AOAH: variants seen among roughly 807,000 people sequenced by gnomAD.
AOAH encodes the protein acyloxyacyl hydrolase.
AOAH carries 64 observed loss-of-function variants against 92.2 expected under a neutral mutation model. The observed-to-expected ratio is 0.69, with a 90% CI of 0.57 to 0.86. The LOEUF is 0.86. Among genes scored for constraint, AOAH ranks in the 40% least tolerant of loss-of-function variants. The pLI is 0.00. For missense variants in AOAH, 656 were observed against 694.6 expected, an observed-to-expected ratio of 0.94 and a Z score of 0.62; for synonymous variants, 263 against 254.5, an observed-to-expected ratio of 1.03 and a Z score of -0.32.
At chr7:36,532,943 A>T (rs1784786601) in intron 16 of AOAH, among the ~76,000 whole-genome samples, 1 of 152,000 alleles carries the variant, frequency 6.6e-6, no homozygotes, top group South Asian at 2.1e-4. Flanking sequence ...GGGAGGCAGT[A>T]CCTCATGTCT....
intron 5 of AOAH, 24 bp from the exon 6 acceptor site, chr7:36,632,130 AAG>A (rs1793160949): frequency 2.5e-6 from 4 of 1,588,686 alleles, no homozygotes; most frequent in African/African-American, 1.4e-5. Context: ...AAAAAACAAA[AAG>A]AGAGTTGTTT....
intron 13 of AOAH, among the ~76,000 whole-genome samples, chr7:36,562,510 T>C (rs187348286): frequency 6.6e-6 from 1 of 152,200 alleles, no homozygotes; most frequent in Non-Finnish European, 1.5e-5. Flanking sequence ...ATGGTCCAAA[T>C]GGAGAGCCCA....
intron 13 of AOAH, among the ~76,000 whole-genome samples, chr7:36,565,536 C>CTT (rs200870748): frequency 9.7e-5 from 14 of 144,130 alleles, no homozygotes; most frequent in African/African-American, 1.0e-4. Flanking sequence ...GTAAACATCT[C>CTT]TTTTTTTTTT....
intron 13 of AOAH, among the ~76,000 whole-genome samples, chr7:36,562,131 T>A (rs979839554): frequency 5.9e-5 from 9 of 152,232 alleles, no homozygotes; most frequent in South Asian, 2.1e-4. Context: ...ATTATGTAAT[T>A]AGTTTATGCA....
intron 3 of AOAH, among the ~76,000 whole-genome samples, chr7:36,665,856 G>C (rs1406601214): frequency 1.3e-5 from 2 of 152,010 alleles, no homozygotes; most frequent in Non-Finnish European, 2.9e-5. Context: ...TACAATATTT[G>C]ATTTTTGAAT....
rs760519168 is a variant in AOAH, at chr7:36,540,439, C to T, written c.1186G>A (p.Val396Ile). 8.1e-6 allele frequency: 13 copies of T among 1,613,948 alleles called. No individual in the cohort carries two copies. Among genetic ancestry groups the T allele is most frequent in the Middle Eastern group, 1.6e-4 (1 of 6,062 alleles). The stretch of plus-strand genomic sequence containing the variant: ...TTTAGATGCTTCAGAGTCTGCATGA[C>T]GTTGGAGTAGAGTTTCTCAGGAGTG... Reference protein sequence around the residue: ...MTTPEKLYSNVMQTLKHLNSH... With the variant: ...MTTPEKLYSNIMQTLKHLNSH... Residue 396 changes from valine (V) to isoleucine (I), a missense_variant, in exon 16 of 21, where the codon GTC becomes ATC. Physicochemically the swap from Val to Ile is conservative, Grantham distance 29. Coordinates refer to ENST00000617537, the MANE Select transcript of AOAH (RefSeq NM_001637.4).
chr7:36,717,087 T>C (rs1799252471), intron 1 of AOAH, among the ~76,000 whole-genome samples: 1 of 152,168 alleles, frequency 6.6e-6, no homozygotes, highest in South Asian at 2.1e-4. Context: ...CTAACAAATA[T>C]GGTAAACTGG....
intron 2 of AOAH, among the ~76,000 whole-genome samples, chr7:36,683,725 TGAA>T (rs1796791943): frequency 1.4e-5 from 1 of 72,572 alleles, no homozygotes; most frequent in South Asian, 7.6e-4. Flanking sequence ...GTTCTGAACT[TGAA>T]TTTGAAGTGT....
intron 19 of AOAH, among the ~76,000 whole-genome samples, chr7:36,523,629 G>GTTTTGCCTGTT (rs1784226466): frequency 1.0e-5 from 1 of 100,138 alleles, no homozygotes; most frequent in Non-Finnish European, 1.8e-5. Context: ...TGTTTTGCCT[G>GTTTTGCCTGTT]TTTTTTTTTT....
At chr7:36,709,255 A>G (rs1798615128) in intron 1 of AOAH, among the ~76,000 whole-genome samples, 1 of 151,964 alleles carries the variant, frequency 6.6e-6, no homozygotes, top group African/African-American at 2.4e-5. Flanking sequence ...ATGGATCTTT[A>G]CACCTCGGTG....
intron 13 of AOAH, among the ~76,000 whole-genome samples, chr7:36,574,316 G>A (rs566605441): frequency 1.3e-5 from 2 of 152,106 alleles, no homozygotes; most frequent in East Asian, 1.9e-4. Context: ...CACGGCCTTC[G>A]AGCACATTTT....
At chr7:36,567,269 C>T (rs986989077) in intron 13 of AOAH, among the ~76,000 whole-genome samples, 1 of 152,172 alleles carries the variant, frequency 6.6e-6, no homozygotes, top group Non-Finnish European at 1.5e-5. Context: ...CAGTCTGAGG[C>T]AGCAGAATAG....
chr7:36,539,587 C>T (rs1387756923), intron 16 of AOAH, among the ~76,000 whole-genome samples: 1 of 152,210 alleles, frequency 6.6e-6, no homozygotes, highest in East Asian at 1.9e-4. Context: ...ATAGTTGGCA[C>T]TTAATAAATA....
chr7:36,519,137 T>C (rs1373552858), intron 20 of AOAH, among the ~76,000 whole-genome samples: 1 of 152,234 alleles, frequency 6.6e-6, no homozygotes, highest in African/African-American at 2.4e-5. Context: ...ATTTCTTTCT[T>C]GCTTGAGAAC....
intron 7 of AOAH, among the ~76,000 whole-genome samples, chr7:36,622,363 A>G (rs1293290580): frequency 6.6e-6 from 1 of 152,238 alleles, no homozygotes; most frequent in Non-Finnish European, 1.5e-5. Flanking sequence ...CTCTAGCCAA[A>G]TGGTTAATTA....
intron 20 of AOAH, chr7:36,514,489 G>A (rs768368152): frequency 2.6e-5 from 40 of 1,535,372 alleles, no homozygotes; most frequent in Middle Eastern, 1.7e-4. Context: ...TTCTGCTGTC[G>A]CATGTCAGGT....
intron 1 of AOAH, among the ~76,000 whole-genome samples, chr7:36,711,954 G>A (rs544129439): frequency 6.6e-6 from 1 of 152,324 alleles, no homozygotes; most frequent in African/African-American, 2.4e-5. Flanking sequence ...CCTCACAGAG[G>A]AGGGAAGGAA....
chr7:36,704,173 T>A (rs749542065), intron 1 of AOAH, among the ~76,000 whole-genome samples: 2 of 152,204 alleles, frequency 1.3e-5, no homozygotes, highest in Non-Finnish European at 2.9e-5. Flanking sequence ...TCTGTTCACA[T>A]CCTTCGCCCA....
rs1799828287 is a variant in AOAH, at chr7:36,724,140, G to T, written c.9C>A (p.Ser3=). 6.2e-7 allele frequency: 1 copy of T among 1,613,168 alleles called. No individual in the cohort carries two copies. MQ[S]PWKILTVAPL... is the part of the protein sequence containing the mutation. Reference sequence around the variant, plus strand: ...GCGCCACCGTAAGGATTTTCCAGGGGGACTGCATCTCCGAGCTATGCACCC... The same window carrying T: ...GCGCCACCGTAAGGATTTTCCAGGGTGACTGCATCTCCGAGCTATGCACCC... The change falls in exon 1 of 21, where the codon TCC becomes TCA. Residue 3 remains serine, a synonymous_variant. Coordinates refer to ENST00000617537, the MANE Select transcript of AOAH (RefSeq NM_001637.4).
Sources: gnomAD v4.1 joint callset for allele counts (sites outside exome capture counted in the v4.1 genomes callset) on GRCh38, gnomAD v4.1.1 for gene constraint, MANE v1.5 for transcripts, NCBI Gene and HGNC (gene_info 2026-07-23, HGNC 2026-07-21) for gene names.